CLPB: variants seen among roughly 807,000 people sequenced by gnomAD.
The protein encoded by CLPB is ClpB family mitochondrial disaggregase.
A neutral mutation model predicts 78.4 loss-of-function variants in CLPB; 40 were observed. The observed-to-expected ratio is 0.51, with a 90% CI of 0.40 to 0.66. The LOEUF (loss-of-function observed/expected upper bound fraction) is 0.66. Ranked by LOEUF, CLPB falls within the 30% of genes least tolerant of loss-of-function variation. CLPB has a pLI of 0.00. For missense variants in CLPB, 780 were observed against 886.9 expected, an observed-to-expected ratio of 0.88 and a Z score of 1.53; for synonymous variants, 333 against 348.0, an observed-to-expected ratio of 0.96 and a Z score of 0.48.
At chr11:72,308,448 G>T (rs1050702003) in intron 8 of CLPB, 79 bp downstream of exon 8, 5 of 1,292,448 alleles carry the variant, frequency 3.9e-6, no homozygotes, top group Non-Finnish European at 5.6e-6. Context: ...ACCCTGGCCC[G>T]CAGCAGCTGG....
At chr11:72,353,602 T>C (rs913373028) in intron 5 of CLPB, among the ~76,000 whole-genome samples, 13 of 152,242 alleles carry the variant, frequency 8.5e-5, no homozygotes, top group East Asian at 7.7e-4. Context: ...GTGCAGAGCA[T>C]TGCAGCAAAG....
intron 11 of CLPB, among the ~76,000 whole-genome samples, chr11:72,297,387 G>A (rs556027660): frequency 6.6e-6 from 1 of 152,332 alleles, no homozygotes; most frequent in East Asian, 1.9e-4. Flanking sequence ...TTCCAGCCTT[G>A]CTTTCCACTG....
chr11:72,328,605 G>C lies in CLPB; in HGVS notation c.873+1102C>G, dbSNP rs567750395. ...TCAAGACAGAGAATATTTGCCACTA[G>C]GTGGGACCTGCCACACTGAATCATC... On this transcript the variant is annotated intron_variant, in intron 6 of 15. Transcript: ENST00000538039. Among the ~76,000 whole-genome samples, 15 of 152,304 alleles carry C rather than the reference G, an allele frequency of 9.8e-5. No individual in the cohort carries two copies. In the South Asian group the frequency reaches 2.9e-3, roughly 30 times the overall value.
In CLPB at chr11:72,434,123, G is replaced by C. The variant is rs545165153; in HGVS notation, c.352C>G (p.Leu118Val). ...PSRAGLGMCALAAALVVHCYS... is the reference protein window; with the variant it reads ...PSRAGLGMCAVAAALVVHCYS... Reference sequence around the variant, plus strand: ...CAATGAACCACCAGCGCTGCGGCCAGGGCGCACATGCCCAGTCCGGCCCTG... The same window carrying C: ...CAATGAACCACCAGCGCTGCGGCCACGGCGCACATGCCCAGTCCGGCCCTG... Residue 118 changes from leucine (L) to valine (V), a missense_variant, in exon 1 of 16, where the codon CTG (leucine) becomes GTG (valine). Around this residue, in one of 3 missense-constraint regions of CLPB, gnomAD observed 417 missense variants for 414.7 expected, o/e 1.01. Transcript: ENST00000538039. 1 of 1,612,136 alleles carries C rather than the reference G, an allele frequency of 6.2e-7. No homozygotes were observed. The highest frequency in any genetic ancestry group is 1.1e-5 in the South Asian group (1 of 91,076).
intron 4 of CLPB, among the ~76,000 whole-genome samples, chr11:72,370,554 C>T (rs1038128076): frequency 6.6e-6 from 1 of 152,116 alleles, no homozygotes; most frequent in South Asian, 2.1e-4. Context: ...TAATAAATTG[C>T]CCATACAGCT....
chr11:72,339,915 G>T (rs964820034), intron 5 of CLPB, among the ~76,000 whole-genome samples: 4 of 152,216 alleles, frequency 2.6e-5, no homozygotes, highest in Non-Finnish European at 5.9e-5. Context: ...CTTACTACTG[G>T]CTGTGAGAAT....
chr11:72,407,209 T>C (rs1385722499), intron 2 of CLPB, among the ~76,000 whole-genome samples: 4 of 152,200 alleles, frequency 2.6e-5, no homozygotes, highest in Non-Finnish European at 5.9e-5. Flanking sequence ...TCCTACAGTA[T>C]GTGCATAGTT....
At chr11:72,398,060 C>A (rs541592780) in intron 3 of CLPB, among the ~76,000 whole-genome samples, 12 of 152,334 alleles carry the variant, frequency 7.9e-5, no homozygotes, top group African/African-American at 2.6e-4. Flanking sequence ...GCCCCCCAGG[C>A]TCTGCACCTC....
chr11:72,327,157 T>A (rs1478486783), intron 6 of CLPB, among the ~76,000 whole-genome samples: 4 of 152,172 alleles, frequency 2.6e-5, no homozygotes, highest in African/African-American at 9.7e-5. Flanking sequence ...CCCTCCATGG[T>A]GGGACAGCTG....
Position 72,425,620 on chromosome 11 carries a change from G to A in CLPB, c.455+4692C>T, listed in dbSNP as rs372689867. ...CAAAGCACAGGCTGGACAGATGGGCGACTGAGGGACAAACGGAGAGTCAAT... is the reference window on the plus strand; with the variant it reads ...CAAAGCACAGGCTGGACAGATGGGCAACTGAGGGACAAACGGAGAGTCAAT... On this transcript the variant is annotated intron_variant, in intron 2 of 15. Transcript: ENST00000538039. 4.7e-4 allele frequency among the ~76,000 whole-genome samples: 72 copies of A among 152,244 alleles called. No homozygotes were observed. In the South Asian group the frequency reaches 0.013, roughly 27 times the overall value.
At chr11:72,366,518 G>A (rs763480623) in intron 4 of CLPB, among the ~76,000 whole-genome samples, 2 of 151,904 alleles carry the variant, frequency 1.3e-5, no homozygotes, top group African/African-American at 2.4e-5. Flanking sequence ...ATGAACCACC[G>A]CACCCAGCCA....
rs768787799 is a variant in CLPB, at chr11:72,294,349, C to T, written c.1656G>A (p.Lys552=). ...CHSELIQLVN[K]ELNFWAKRAK... ...CTCTCTTGGCCCAGAAGTTTAGTTCCTTGTTGACGAGTTGGATGAGCTCCG... is the reference window on the plus strand; with the variant it reads ...CTCTCTTGGCCCAGAAGTTTAGTTCTTTGTTGACGAGTTGGATGAGCTCCG... Residue 552 remains lysine, a synonymous_variant, in exon 14 of 16, where the codon AAG becomes AAA. Transcript: ENST00000538039. The T allele has an allele frequency of 6.2e-7, 1 of 1,614,212 alleles. No individual in the cohort carries two copies. Among genetic ancestry groups the T allele is most frequent in the South Asian group, 1.1e-5 (1 of 91,082 alleles).
At position 72,434,510 on chromosome 11, in the gene CLPB, C is replaced by G. The variant is rs1397310632; in HGVS notation, c.-36G>C. ...GCTTCGATAACCCCGTGGTGCCGGC[C>G]CCTGTGCTGACCACGTCCAACATGG... On this transcript the variant is annotated 5_prime_UTR_variant, in exon 1 of 16. Transcript: ENST00000538039. 6.6e-7 allele frequency: 1 copy of G among 1,516,234 alleles called. No individual in the cohort carries two copies. The highest frequency in any genetic ancestry group is 1.4e-5 in the African/African-American group (1 of 71,848). The allele number at this position is 1,516,234 out of a possible 1,614,324, so 93.9% of individuals were successfully genotyped here.
At chr11:72,308,430 A>C in intron 8 of CLPB, 97 bp downstream of exon 8, 1 of 1,010,380 alleles carries the variant, frequency 9.9e-7, no homozygotes, top group South Asian at 1.3e-5. Context: ...CTAGAGCTGG[A>C]CCTGCTGACC....
chr11:72,330,776 T>C (rs913085453), intron 5 of CLPB, among the ~76,000 whole-genome samples: 3 of 152,190 alleles, frequency 2.0e-5, no homozygotes, highest in Admixed American at 6.5e-5. Context: ...AGATGCTTAA[T>C]AAATGTGTGT....
chr11:72,363,816 G>C (rs1950888183), intron 4 of CLPB, among the ~76,000 whole-genome samples: 1 of 152,212 alleles, frequency 6.6e-6, no homozygotes, highest in African/African-American at 2.4e-5. Context: ...AATGCCCACA[G>C]GCCCAAGCCT....
intron 3 of CLPB, among the ~76,000 whole-genome samples, chr11:72,381,796 G>C (rs1422956492): frequency 2.6e-5 from 4 of 151,972 alleles, no homozygotes; most frequent in African/African-American, 9.7e-5. Context: ...AGTACCCCTG[G>C]CCTTAGGCAC....
chr11:72,351,860 C>A (rs34264259), intron 5 of CLPB, among the ~76,000 whole-genome samples: 1 of 152,116 alleles, frequency 6.6e-6, no homozygotes, highest in Non-Finnish European at 1.5e-5. Flanking sequence ...CAAGAGCCAC[C>A]GCACCCAGCC....
intron 6 of CLPB, among the ~76,000 whole-genome samples, chr11:72,318,916 G>A (rs575358527): frequency 4.6e-5 from 7 of 152,230 alleles, no homozygotes; most frequent in African/African-American, 7.2e-5. Context: ...ACCCAGCCCC[G>A]CTCAGCACTT....
Sources: gnomAD v4.1 joint callset for allele counts (sites outside exome capture counted in the v4.1 genomes callset) on GRCh38, gnomAD v4.1.1 for gene constraint, gnomAD v4.1.1 regional missense constraint, MANE v1.5 for transcripts, NCBI Gene and HGNC (gene_info 2026-07-23, HGNC 2026-07-21) for gene names.